PRKAG2: variants seen among roughly 807,000 people sequenced by gnomAD.
PRKAG2 encodes protein kinase AMP-activated non-catalytic subunit gamma 2, also known as 5'-AMP-activated protein kinase subunit gamma-2.
In PRKAG2, 26 loss-of-function variants were observed where a neutral mutation model predicts 69.6. The observed-to-expected ratio is 0.37, with a 90% CI of 0.27 to 0.52. The LOEUF (loss-of-function observed/expected upper bound fraction) is 0.52. Among genes scored for constraint, PRKAG2 ranks in the 20% least tolerant of loss-of-function variants. The pLI is 0.90. For synonymous variants in PRKAG2, 293 were observed against 285.0 expected (o/e 1.03, Z -0.28); for missense variants, 557 against 740.0 (o/e 0.75, Z 2.87).
Position 151,807,921 on chromosome 7 carries a change from G to A in PRKAG2, c.115-21380C>T, listed in dbSNP as rs1460011887. ...GGGGAAGCCTGTAGTGGGGACGCTAGACTCAAGGGAAGGCTCTGGAGGAAG... is the reference window on the plus strand; with the variant it reads ...GGGGAAGCCTGTAGTGGGGACGCTAAACTCAAGGGAAGGCTCTGGAGGAAG... On this transcript the variant is annotated intron_variant, in intron 1 of 15. Coordinates refer to ENST00000287878, the MANE Select transcript of PRKAG2 (RefSeq NM_016203.4). This position sits in a 1 kb window ranked among gnomAD's most constrained non-coding sequence, Gnocchi z 4.4. Among the ~76,000 whole-genome samples, 2 of 152,212 alleles carry A rather than the reference G, an allele frequency of 1.3e-5. No individual in the cohort carries two copies. Among genetic ancestry groups the A allele is most frequent in the Non-Finnish European group, 2.9e-5 (2 of 68,032 alleles).
intron 3 of PRKAG2, among the ~76,000 whole-genome samples, chr7:151,767,333 G>A (rs966192744): frequency 2.6e-5 from 4 of 152,184 alleles, no homozygotes; most frequent in Admixed American, 6.5e-5. Context: ...CTCTGTCACC[G>A]AGGCTGGAGT....
intron 1 of PRKAG2, among the ~76,000 whole-genome samples, chr7:151,808,036 A>G (rs2078209899): frequency 6.6e-6 from 1 of 152,134 alleles, no homozygotes; most frequent in African/African-American, 2.4e-5. Flanking sequence ...GCCCCGCAGC[A>G]AGACGACGGC....
In PRKAG2 at chr7:151,718,781, T is replaced by C. The variant is rs183735064; in HGVS notation, c.467-43144A>G. On this transcript the variant is annotated intron_variant, in intron 3 of 15. Coordinates refer to ENST00000287878, the MANE Select transcript of PRKAG2 (RefSeq NM_016203.4). ...TAGCTGACTGGAGGGACCCCTTCCATGGAGTCCAAAGATGACGGCTCAATG... is the reference window on the plus strand; with the variant it reads ...TAGCTGACTGGAGGGACCCCTTCCACGGAGTCCAAAGATGACGGCTCAATG... 9.9e-5 allele frequency among the ~76,000 whole-genome samples: 15 copies of C among 152,092 alleles called. No homozygotes were observed. The East Asian group carries it at 2.7e-3, about 27-fold the overall frequency.
intron 1 of PRKAG2, among the ~76,000 whole-genome samples, chr7:151,808,080 C>T (rs992912304): frequency 2.0e-5 from 3 of 152,178 alleles, no homozygotes; most frequent in Non-Finnish European, 4.4e-5. Flanking sequence ...CCGGCCACAG[C>T]GGGCGGGGCT....
At chr7:151,775,232 T>TTGGTCATTC (rs1487750852) in intron 3 of PRKAG2, among the ~76,000 whole-genome samples, 11 of 152,226 alleles carry the variant, frequency 7.2e-5, no homozygotes, top group African/African-American at 2.7e-4. Flanking sequence ...CTCCTGGTTC[T>TTGGTCATTC]TGGTCATTCT....
intron 5 of PRKAG2, among the ~76,000 whole-genome samples, chr7:151,599,427 C>A (rs765551121): frequency 4.6e-5 from 7 of 152,198 alleles, no homozygotes; most frequent in Non-Finnish European, 8.8e-5. Context: ...GCTGTCCACA[C>A]TGCATCCAGG....
At chr7:151,738,681 T>C (rs188006040) in intron 3 of PRKAG2, among the ~76,000 whole-genome samples, 24 of 152,386 alleles carry the variant, frequency 1.6e-4, no homozygotes, top group African/African-American at 5.8e-4. Context: ...TCCCTTTGTT[T>C]CCCTTAAGGG....
intron 3 of PRKAG2, among the ~76,000 whole-genome samples, chr7:151,731,614 G>A (rs1292482586): frequency 2.0e-5 from 3 of 152,166 alleles, no homozygotes; most frequent in Non-Finnish European, 2.9e-5. Flanking sequence ...CAGATAAACA[G>A]TGTGCACCTT....
chr7:151,797,022 C>T (rs1022928613), intron 1 of PRKAG2, among the ~76,000 whole-genome samples: 11 of 152,230 alleles, frequency 7.2e-5, no homozygotes, highest in Admixed American at 5.9e-4. Flanking sequence ...TGGGCACTAC[C>T]GACTCAAGGG....
At chr7:151,565,495 T>C (rs763329900) in intron 12 of PRKAG2, 112 bp from the exon 13 acceptor site, 46 of 974,078 alleles carry the variant, frequency 4.7e-5, no homozygotes, top group Non-Finnish European at 6.4e-5. Flanking sequence ...TAAATAACCT[T>C]GTCTATTTTA....
chr7:151,826,397 G>A (rs536162564), intron 1 of PRKAG2, among the ~76,000 whole-genome samples: 4 of 152,192 alleles, frequency 2.6e-5, no homozygotes, highest in Admixed American at 2.0e-4. Context: ...TGGACAGGCT[G>A]GTCTCGAACT....
At chr7:151,695,228 C>T (rs1174461775) in intron 3 of PRKAG2, among the ~76,000 whole-genome samples, 1 of 152,234 alleles carries the variant, frequency 6.6e-6, no homozygotes, top group Non-Finnish European at 1.5e-5. Context: ...AAGCGACAGT[C>T]ACCTGTTTCT....
chr7:151,628,055 G>A lies in PRKAG2; in HGVS notation c.754+4014C>T, dbSNP rs576090610. On this transcript the variant is annotated intron_variant, in intron 5 of 15. Coordinates refer to ENST00000287878, the MANE Select transcript of PRKAG2 (RefSeq NM_016203.4). Reference sequence around the variant, plus strand: ...AATAAGCGGCAAATGAGGAGGAAGAGGAGAGACAGTCAGTCTGGCAAGACA... The same window carrying A: ...AATAAGCGGCAAATGAGGAGGAAGAAGAGAGACAGTCAGTCTGGCAAGACA... Among the ~76,000 whole-genome samples the A allele has an allele frequency of 3.3e-5, 5 of 152,310 alleles. No homozygotes were observed. In the South Asian group the frequency reaches 6.2e-4, roughly 19 times the overall value.
intron 1 of PRKAG2, among the ~76,000 whole-genome samples, chr7:151,795,081 T>TG (rs1227340667): frequency 6.6e-6 from 1 of 152,240 alleles, no homozygotes; most frequent in African/African-American, 2.4e-5. Flanking sequence ...TACAGGCAGC[T>TG]GCTCCCAGGC....
Position 151,675,487 on chromosome 7 carries a change from G to C in PRKAG2, c.617C>G (p.Pro206Arg). Residue 206 changes from proline (P) to arginine (R), a missense_variant, in exon 4 of 16, where the codon CCG (proline) becomes CGG (arginine). Pro to Arg is a moderately radical substitution (Grantham distance 103). Coordinates refer to ENST00000287878, the MANE Select transcript of PRKAG2 (RefSeq NM_016203.4). ...SPPDTGQRFC[P>R]SSFQSPTRPP... is the part of the protein sequence containing the mutation. ...CCTGGTCGGGCTCTGGAAGGAAGAC[G>C]GGCAGAACCTCTGCCCTGTGTCCGG... 2 of 1,614,190 alleles carry C rather than the reference G, an allele frequency of 1.2e-6. No individual in the cohort carries two copies. Among genetic ancestry groups the C allele is most frequent in the Non-Finnish European group, 1.7e-6 (2 of 1,180,016 alleles).
chr7:151,770,177 C>G (rs1406239008), intron 3 of PRKAG2, among the ~76,000 whole-genome samples: 1 of 152,138 alleles, frequency 6.6e-6, no homozygotes, highest in Non-Finnish European at 1.5e-5. Context: ...TTTGCAGGTT[C>G]GACACAACCG....
At chr7:151,656,242 C>T (rs1285305970) in intron 4 of PRKAG2, among the ~76,000 whole-genome samples, 3 of 152,088 alleles carry the variant, frequency 2.0e-5, no homozygotes, top group Non-Finnish European at 2.9e-5. Context: ...ATACAAACTA[C>T]GTTTCACGAC....
chr7:151,673,052 G>A lies in PRKAG2; in HGVS notation c.684+2368C>T, dbSNP rs73481967. On this transcript the variant is annotated intron_variant, in intron 4 of 15. Transcript: ENST00000287878. ...AACACCACTTTCCTGTTACACTCGC[G>A]GGGAGGAAGCTGACAGCAAACCCAG... Among the ~76,000 whole-genome samples the A allele has an allele frequency of 6.7e-3, 1,025 of 152,194 alleles. 11 individuals carry two copies. Among genetic ancestry groups the A allele is most frequent in the African/African-American group, 0.024 (977 of 41,520 alleles).
At chr7:151,782,229 G>A (rs1187997457) in intron 2 of PRKAG2, among the ~76,000 whole-genome samples, 1 of 151,754 alleles carries the variant, frequency 6.6e-6, no homozygotes, top group East Asian at 1.9e-4. Flanking sequence ...GTTGCAGTGA[G>A]CCGAGATGGC....
Sources: gnomAD v4.1 joint callset for allele counts (sites outside exome capture counted in the v4.1 genomes callset) on GRCh38, gnomAD v4.1.1 for gene constraint, Gnocchi (gnomAD v3.1) non-coding constraint, MANE v1.5 for transcripts, NCBI Gene and HGNC (gene_info 2026-07-23, HGNC 2026-07-21) for gene names.